Variants in GDI2 observed in about 807,000 individuals in gnomAD.
The protein encoded by GDI2 is rab GDP dissociation inhibitor beta.
GDI2 carries 22 observed loss-of-function variants against 54.2 expected under a neutral mutation model. That is an observed-to-expected ratio of 0.41 (90% CI 0.29 to 0.58). The LOEUF (loss-of-function observed/expected upper bound fraction) is 0.58, where lower values mean the gene tolerates loss of function less well. GDI2 is among the 20% of genes least tolerant of loss of function. The probability of loss-of-function intolerance (pLI) is 0.35; values close to 1 mark genes in which losing one functional copy is unlikely to be tolerated. For synonymous variants in GDI2, 177 were observed against 182.1 expected (o/e 0.97, Z 0.23); for missense variants, 422 against 546.0 (o/e 0.77, Z 2.26).
At chr10:5,797,408 G>A (rs922374212) in intron 2 of GDI2, among the ~76,000 whole-genome samples, 7 of 152,042 alleles carry the variant, frequency 4.6e-5, no homozygotes, top group Admixed American at 2.0e-4. Context: ...AGCCAGGTAT[G>A]GTGGCAGATG....
rs150398112 is a variant in GDI2, at chr10:5,793,259, C to A, written c.388+1626G>T. Among the ~76,000 whole-genome samples, 8 of 152,246 alleles carry A rather than the reference C, an allele frequency of 5.3e-5. No individual in the cohort carries two copies. The East Asian group carries it at 1.5e-3, about 29-fold the overall frequency. ...ATCCTCCTACCACGGCTTCCCAAAG[C>A]AATGGGATCACAAGCGTGAGCCACC... On this transcript the variant is annotated intron_variant, in intron 4 of 10. Coordinates refer to ENST00000380191, the MANE Select transcript of GDI2 (RefSeq NM_001494.4).
chr10:5,813,324 C>T lies in GDI2; in HGVS notation c.-66G>A, dbSNP rs1172987754. 3 of 1,225,766 alleles carry T rather than the reference C, an allele frequency of 2.4e-6. No individual in the cohort carries two copies. Among genetic ancestry groups the T allele is most frequent in the African/African-American group, 1.5e-5 (1 of 66,350 alleles). The allele number at this position is 1,225,766 out of a possible 1,614,324, so 75.9% of individuals were successfully genotyped here. ...GCGCAGGGGCTCCGTGACCACCCTA[C>T]GAGGCTGGGAGGCGCTCTTGGGCGC... On this transcript the variant is annotated 5_prime_UTR_variant, in exon 1 of 11. Coordinates refer to ENST00000380191, the MANE Select transcript of GDI2 (RefSeq NM_001494.4).
At position 5,768,359 on chromosome 10, in the gene GDI2, C is replaced by CAT. The variant is rs1397715870; in HGVS notation, c.844_845insAT (p.Cys282TyrfsTer7). 1 of 1,613,194 alleles carries CAT rather than the reference C, an allele frequency of 6.2e-7. No homozygotes were observed. Among genetic ancestry groups the CAT allele is most frequent in the Non-Finnish European group, 8.5e-7 (1 of 1,179,212 alleles). On this transcript the variant is annotated frameshift_variant, in exon 8 of 11. Coordinates refer to ENST00000380191, the MANE Select transcript of GDI2 (RefSeq NM_001494.4). LOFTEE classifies it high-confidence loss of function. The surrounding 1 kb of genome is among the most constrained non-coding windows in gnomAD (Gnocchi z 4.4). ...CCGATCTTTTACGTAGCTGGGGTCA[C>CAT]AGATGAGCTGCTTACAGCGAGCAAT...
At chr10:5,777,194 CA>C (rs1690603002) in intron 6 of GDI2, among the ~76,000 whole-genome samples, 1 of 152,100 alleles carries the variant, frequency 6.6e-6, no homozygotes, top group African/African-American at 2.4e-5. Flanking sequence ...AAAGTTATGC[CA>C]GGCACGGTGG....
intron 4 of GDI2, among the ~76,000 whole-genome samples, chr10:5,788,929 AT>A (rs1303489813): frequency 6.6e-6 from 1 of 151,012 alleles, no homozygotes; most frequent in South Asian, 2.1e-4. Context: ...GACCTGGCTA[AT>A]TTTTTTTTGT....
At chr10:5,786,106 C>T (rs1254815739) in intron 4 of GDI2, 56 bp from the exon 5 acceptor site, 10 of 1,155,940 alleles carry the variant, frequency 8.7e-6, no homozygotes, top group African/African-American at 4.6e-5. Flanking sequence ...TTGAGGAGAA[C>T]GAAGTATGAG....
In GDI2 at chr10:5,774,490, C is replaced by T. The variant is rs1256907700; in HGVS notation, c.720-549G>A. ...ACACCTCATTTTCTTTGGCTGGAGG[C>T]GTTCAACCCCCATACACGGTTTTCT... is the stretch of plus-strand genomic sequence containing the variant. On this transcript the variant is annotated intron_variant, in intron 6 of 10. Coordinates refer to ENST00000380191, the MANE Select transcript of GDI2 (RefSeq NM_001494.4). This position sits in a 1 kb window ranked among gnomAD's most constrained non-coding sequence, Gnocchi z 4.8. 2.0e-5 allele frequency among the ~76,000 whole-genome samples: 3 copies of T among 152,102 alleles called. No individual in the cohort carries two copies. Among genetic ancestry groups the T allele is most frequent in the Non-Finnish European group, 4.4e-5 (3 of 68,020 alleles).
chr10:5,800,735 A>C (rs760517204), intron 1 of GDI2, 30 bp from the exon 2 acceptor site: 25 of 1,055,480 alleles, frequency 2.4e-5, no homozygotes, highest in Non-Finnish European at 3.7e-5. Context: ...CCTTGAAAAG[A>C]AAGTTCTACA....
intron 1 of GDI2, among the ~76,000 whole-genome samples, chr10:5,805,363 TAAAAAAAAA>T (rs33941987): frequency 9.4e-6 from 1 of 105,922 alleles, no homozygotes; most frequent in East Asian, 2.6e-4. Context: ...ATTTGCTCTT[TAAAAAAAAA>T]AAAAAAAAAA....
intron 7 of GDI2, among the ~76,000 whole-genome samples, chr10:5,771,613 G>A (rs1207991545): frequency 1.4e-5 from 2 of 146,132 alleles, no homozygotes; most frequent in Non-Finnish European, 3.1e-5. Context: ...CTCAGTAAAT[G>A]TACTCTACAT....
intron 1 of GDI2, among the ~76,000 whole-genome samples, chr10:5,801,471 G>A (rs968132163): frequency 6.6e-6 from 1 of 151,916 alleles, no homozygotes; most frequent in East Asian, 2.0e-4. Context: ...GAGGTCAGAA[G>A]AGCAAGACCA....
chr10:5,805,260 T>C (rs1841350810), intron 1 of GDI2, among the ~76,000 whole-genome samples: 1 of 151,784 alleles, frequency 6.6e-6, no homozygotes, highest in Non-Finnish European at 1.5e-5. Context: ...AACTTCAGGT[T>C]GTATCCAAAT....
At chr10:5,786,193 C>CA in intron 4 of GDI2, 143 bp from the exon 5 acceptor site, 1 of 490,624 alleles carries the variant, frequency 2.0e-6, no homozygotes, top group South Asian at 2.2e-5. Flanking sequence ...TTTTTTGAGA[C>CA]AGAGTCTTGC....
chr10:5,788,097 T>C (rs2131701168), intron 4 of GDI2, among the ~76,000 whole-genome samples: 1 of 152,296 alleles, frequency 6.6e-6, no homozygotes, highest in African/African-American at 2.4e-5. Flanking sequence ...GAGAACCAGA[T>C]ATAATTGTAT....
In GDI2 at chr10:5,774,573, G is replaced by A. The variant is rs987508357; in HGVS notation, c.720-632C>T. 2.6e-5 allele frequency among the ~76,000 whole-genome samples: 4 copies of A among 152,132 alleles called. No individual in the cohort carries two copies. Among genetic ancestry groups the A allele is most frequent in the East Asian group, 3.9e-4 (2 of 5,176 alleles). Reference sequence around the variant, plus strand: ...ATCACCGGAACAGTTCCTCTCGGCCGCAGCGGCTCTGCATCCATAGCTTAT... The same window carrying A: ...ATCACCGGAACAGTTCCTCTCGGCCACAGCGGCTCTGCATCCATAGCTTAT... On this transcript the variant is annotated intron_variant, in intron 6 of 10. Coordinates refer to ENST00000380191, the MANE Select transcript of GDI2 (RefSeq NM_001494.4). The surrounding 1 kb of genome is among the most constrained non-coding windows in gnomAD (Gnocchi z 4.8).
At chr10:5,793,073 C>A (rs2131706247) in intron 4 of GDI2, among the ~76,000 whole-genome samples, 1 of 152,224 alleles carries the variant, frequency 6.6e-6, no homozygotes, top group African/African-American at 2.4e-5. Context: ...CAGCTCACTG[C>A]AGCTTTGATT....
chr10:5,775,822 G>A (rs1840606413), intron 6 of GDI2, among the ~76,000 whole-genome samples: 3 of 152,208 alleles, frequency 2.0e-5, no homozygotes, highest in Non-Finnish European at 2.9e-5. Context: ...GGCCACTTGC[G>A]CGTGTGACGT....
At chr10:5,786,146 C>G (rs919851545) in intron 4 of GDI2, 96 bp from the exon 5 acceptor site, 28 of 694,396 alleles carry the variant, frequency 4.0e-5, no homozygotes, top group Non-Finnish European at 2.2e-5. Context: ...TTGTTATCAA[C>G]TGCGGAATGC....
chr10:5,803,941 T>C (rs865978655), intron 1 of GDI2, among the ~76,000 whole-genome samples: 1 of 152,208 alleles, frequency 6.6e-6, no homozygotes, highest in African/African-American at 2.4e-5. Flanking sequence ...TCTTATTCTC[T>C]ACAAGTCTAT....
Sources: allele counts gnomAD v4.1 joint callset (sites outside exome capture counted in the v4.1 genomes callset), GRCh38; gene constraint gnomAD v4.1.1; non-coding constraint Gnocchi (gnomAD v3.1); transcripts MANE v1.5; gene names NCBI Gene and HGNC (gene_info 2026-07-23, HGNC 2026-07-21).